FLYWCH1: variants seen among roughly 807,000 people sequenced by gnomAD.
FLYWCH1 encodes FLYWCH-type zinc finger-containing protein 1.
Under a neutral mutation model 66.4 loss-of-function variants are expected in FLYWCH1, and 75 were observed. The ratio of observed to expected loss-of-function variants is 1.13; its 90% CI spans 0.94 to 1.37. The LOEUF (loss-of-function observed/expected upper bound fraction) is 1.37, where lower values mean the gene tolerates loss of function less well. Among genes scored for constraint, FLYWCH1 ranks in the 40% most tolerant of loss-of-function variants. FLYWCH1 has a pLI of 0.00. For missense variants in FLYWCH1, 1,334 were observed against 1,001.8 expected (o/e 1.33, Z -4.48); for synonymous variants, 595 against 429.9 (o/e 1.38, Z -4.75).
intron 2 of FLYWCH1, among the ~76,000 whole-genome samples, chr16:2,926,958 A>G (rs957260111): frequency 2.0e-5 from 3 of 152,226 alleles, no homozygotes; most frequent in Non-Finnish European, 2.9e-5. Flanking sequence ...GATAGTCTCT[A>G]TCTCGGCAAT....
At position 2,940,038 on chromosome 16, in the gene FLYWCH1, T is replaced by C. The variant is rs1166365070; in HGVS notation, c.2057T>C (p.Ile686Thr). 6.3e-7 allele frequency: 1 copy of C among 1,599,604 alleles called. No homozygotes were observed. The highest frequency in any genetic ancestry group is 1.1e-5 in the South Asian group (1 of 89,740). Residue 686 changes from isoleucine to threonine, a missense_variant, in exon 9 of 10, where the codon ATT (isoleucine) becomes ACT (threonine). Ile to Thr is a moderately conservative substitution (Grantham distance 89, BLOSUM62 -1). Coordinates refer to ENST00000253928, the MANE Select transcript of FLYWCH1 (RefSeq NM_001308068.2). The stretch of plus-strand genomic sequence containing the variant: ...TTCAATTATTTTTCCACAGAAAAGA[T>C]TCAAGTTCAGCTGTGCTTCAAGACG... The part of the protein sequence containing the change: ...TTAQQEDPEK[I>T]QVQLCFKTCS...
At chr16:2,937,784 T>C (rs2071078941) in intron 7 of FLYWCH1, among the ~76,000 whole-genome samples, 1 of 152,070 alleles carries the variant, frequency 6.6e-6, no homozygotes, top group Non-Finnish European at 1.5e-5. Context: ...CATGTGACCT[T>C]TTAGTTCAGC....
rs2071647424 is a variant in FLYWCH1 at position 2,950,964 on chromosome 16, T to TGTCCGACACAGTCCGACA, written c.*2240_*2241insCGACACAGTCCGACAGTC. On this transcript the variant is annotated 3_prime_UTR_variant, in exon 10 of 10. Transcript: ENST00000253928. ...CTTGCAAAGTTCCAGGGCCACCAGA[T>TGTCCGACACAGTCCGACA]GTCGCCTGCCCAGTCACTGTCACAG... 2.0e-5 allele frequency: 3 copies of TGTCCGACACAGTCCGACA among 152,406 alleles called. No individual in the cohort carries two copies. The South Asian group carries it at 6.2e-4, about 32-fold the overall frequency. 9.4% of individuals were successfully genotyped at this position (152,406 alleles called of 1,614,324 possible). A position where few individuals can be genotyped will look rare whatever the true frequency, so the allele number is the denominator to read the frequency against.
intron 6 of FLYWCH1, chr16:2,934,680 A>T: frequency 2.2e-6 from 1 of 456,680 alleles, no homozygotes; most frequent in Non-Finnish European, 4.4e-6. Context: ...GAGTTGCCTC[A>T]TGGCCCTAAA....
At chr16:2,947,080 T>C (rs1180271541) in intron 9 of FLYWCH1, among the ~76,000 whole-genome samples, 2 of 152,112 alleles carry the variant, frequency 1.3e-5, no homozygotes, top group Non-Finnish European at 2.9e-5. Flanking sequence ...TAGGCAAAAA[T>C]TGAAAGCCCA....
intron 2 of FLYWCH1, among the ~76,000 whole-genome samples, chr16:2,926,499 G>C (rs2070571263): frequency 6.6e-6 from 1 of 152,156 alleles, no homozygotes; most frequent in African/African-American, 2.4e-5. Flanking sequence ...GTCTGTAATC[G>C]CTCGGTCAAT....
At chr16:2,922,010 C>T (rs2070391268) in intron 2 of FLYWCH1, among the ~76,000 whole-genome samples, 1 of 152,200 alleles carries the variant, frequency 6.6e-6, no homozygotes, top group Non-Finnish European at 1.5e-5. Context: ...TTGCAATGAA[C>T]TGAGATCGTG....
intron 6 of FLYWCH1, chr16:2,935,726 C>G (rs2070971892): frequency 6.6e-6 from 1 of 152,046 alleles, no homozygotes; most frequent in Non-Finnish European, 1.5e-5. Context: ...GTGCCGTCAG[C>G]TTTGCTTGAG....
intron 6 of FLYWCH1, among the ~76,000 whole-genome samples, chr16:2,934,402 G>T (rs73484945): frequency 3.3e-5 from 5 of 152,126 alleles, no homozygotes; most frequent in African/African-American, 7.2e-5. Flanking sequence ...TTCTCCTCTC[G>T]GCCCGCTGTT....
intron 9 of FLYWCH1, among the ~76,000 whole-genome samples, chr16:2,942,819 G>T (rs1392184216): frequency 6.8e-6 from 1 of 147,754 alleles, no homozygotes; most frequent in Admixed American, 6.9e-5. Context: ...ATCACTGTGA[G>T]TGATCCCAGG....
rs1441895636 is a variant in FLYWCH1 at position 2,938,292 on chromosome 16, G to A, written c.1886G>A (p.Trp629Ter). 1.5e-5 allele frequency: 24 copies of A among 1,612,090 alleles called. No individual in the cohort carries two copies. Among genetic ancestry groups the A allele is most frequent in the South Asian group, 2.2e-5 (2 of 90,966 alleles). ...KEKAAGEKVY[W>*]MCRDQARLGC... is the part of the protein sequence containing the mutation. ...AAGGCGGCTGGGGAGAAGGTGTACT[G>A]GATGTGCCGGGACCAGGCTCGGCTG... Residue 629 changes from tryptophan (W) to a stop codon, truncating the protein, a stop_gained, in exon 8 of 10, where the codon TGG becomes TAG. Transcript: ENST00000253928. LOFTEE classifies it high-confidence loss of function.
intron 9 of FLYWCH1, among the ~76,000 whole-genome samples, chr16:2,942,948 C>T (rs1429573158): frequency 2.0e-5 from 3 of 151,508 alleles, no homozygotes; most frequent in Admixed American, 6.6e-5. Flanking sequence ...GTGATCCACC[C>T]GCCTCGGACT....
chr16:2,930,653 T>C lies in FLYWCH1; in HGVS notation c.569T>C (p.Leu190Pro). 1 of 1,546,656 alleles carries C rather than the reference T, an allele frequency of 6.5e-7. No homozygotes were observed. Among genetic ancestry groups the C allele is most frequent in the East Asian group, 2.4e-5 (1 of 40,944 alleles). ...GLEARRQREK[L>P]PSLALPEGLG... ...GAGGCCCGGCGCCAGAGGGAGAAAC[T>C]GCCCAGCCTGGCCCTGCCAGAGGGC... Residue 190 changes from leucine to proline, a missense_variant, in exon 4 of 10, where the codon CTG becomes CCG. Coordinates refer to ENST00000253928, the MANE Select transcript of FLYWCH1 (RefSeq NM_001308068.2).
chr16:2,940,400 A>C (rs2071211950), intron 9 of FLYWCH1, among the ~76,000 whole-genome samples: 1 of 152,242 alleles, frequency 6.6e-6, no homozygotes, highest in African/African-American at 2.4e-5. Context: ...AGCAGAATTC[A>C]GGTTCTTCTC....
At chr16:2,942,893 G>A (rs1219654438) in intron 9 of FLYWCH1, among the ~76,000 whole-genome samples, 2 of 151,732 alleles carry the variant, frequency 1.3e-5, no homozygotes, top group Non-Finnish European at 1.5e-5. Context: ...GTGGAGACGG[G>A]GTTTCGCTAT....
In FLYWCH1 at chr16:2,929,807, A is replaced by G; in HGVS notation, c.122A>G (p.Lys41Arg). 6.2e-7 allele frequency: 1 copy of G among 1,613,910 alleles called. No homozygotes were observed. Among genetic ancestry groups the G allele is most frequent in the Non-Finnish European group, 8.5e-7 (1 of 1,179,870 alleles). ...CCCAGGAAGCCCAGGGAGTTCTCCA[A>G]ACTGGTGCTGCTCACAGCCTCCGAC... ...AAPRKPREFSKLVLLTASDQD... is the reference protein window; with the variant it reads ...AAPRKPREFSRLVLLTASDQD... Residue 41 changes from lysine to arginine, a missense_variant, in exon 3 of 10, where the codon AAA becomes AGA. Coordinates refer to ENST00000253928, the MANE Select transcript of FLYWCH1 (RefSeq NM_001308068.2).
rs777571148 is a variant in FLYWCH1, at chr16:2,933,969, G to A, written c.1503G>A (p.Arg501=). Residue 501 remains arginine, a synonymous_variant, in exon 6 of 10, where the codon CGG becomes CGA. Transcript: ENST00000253928. ...QREKRPNTAQ[R]GSPGGPEFLK... Reference sequence around the variant, plus strand: ...AGAAACGCCCCAACACGGCGCAGCGGGGGAGCCCAGGTACCTGGGGGTGGG... The same window carrying A: ...AGAAACGCCCCAACACGGCGCAGCGAGGGAGCCCAGGTACCTGGGGGTGGG... 134 of 1,535,650 alleles carry A rather than the reference G, an allele frequency of 8.7e-5. No individual in the cohort carries two copies. Among genetic ancestry groups the A allele is most frequent in the Non-Finnish European group, 1.1e-4 (121 of 1,139,282 alleles).
intron 1 of FLYWCH1, among the ~76,000 whole-genome samples, 185 bp downstream of exon 1, chr16:2,912,339 C>A (rs1475382531): frequency 4.0e-5 from 6 of 150,888 alleles, no homozygotes; most frequent in Non-Finnish European, 7.4e-5. Flanking sequence ...TCCATCCCCA[C>A]CCCCCCGTCC....
chr16:2,918,208 G>C (rs1278799211), intron 2 of FLYWCH1, among the ~76,000 whole-genome samples: 1 of 145,574 alleles, frequency 6.9e-6, no homozygotes, highest in Non-Finnish European at 1.5e-5. Context: ...AGTGCAGTGG[G>C]GCAATCTCGG....
Sources: allele counts gnomAD v4.1 joint callset (sites outside exome capture counted in the v4.1 genomes callset), GRCh38; gene constraint gnomAD v4.1.1; transcripts MANE v1.5; gene names NCBI Gene and HGNC (gene_info 2026-07-23, HGNC 2026-07-21).